CDH22: variants seen among roughly 807,000 people sequenced by gnomAD.
CDH22 encodes the protein cadherin 22.
CDH22 carries 30 observed loss-of-function variants against 58.4 expected under a neutral mutation model. The observed-to-expected ratio is 0.51, with a 90% CI of 0.38 to 0.70. CDH22 has a LOEUF of 0.70. CDH22 is among the 30% of genes least tolerant of loss of function. CDH22 has a pLI of 0.00. For missense variants in CDH22, 1,014 were observed against 1,233.9 expected (o/e 0.82, Z 2.67); for synonymous variants, 513 against 558.2 (o/e 0.92, Z 1.14).
chr20:46,295,074 AG>A (rs1266599580), intron 1 of CDH22, among the ~76,000 whole-genome samples: 1 of 151,732 alleles, frequency 6.6e-6, no homozygotes, highest in Non-Finnish European at 1.5e-5. Context: ...GGAAGAGAAC[AG>A]GCATGCGAGG....
chr20:46,194,230 C>T (rs2085882731), intron 8 of CDH22, among the ~76,000 whole-genome samples: 1 of 152,150 alleles, frequency 6.6e-6, no homozygotes, highest in Non-Finnish European at 1.5e-5. Flanking sequence ...GGTCTCAGAG[C>T]CCAGCCCTGG....
intron 3 of CDH22, among the ~76,000 whole-genome samples, chr20:46,236,650 TATCTATC>T (rs2086255441): frequency 4.5e-5 from 1 of 22,266 alleles, no homozygotes; most frequent in South Asian, 1.8e-3. Context: ...TATATATTAA[TATCTATC>T]TATCTATCTA....
chr20:46,222,126 T>G (rs903981103), intron 4 of CDH22, among the ~76,000 whole-genome samples: 1 of 152,230 alleles, frequency 6.6e-6, no homozygotes, highest in African/African-American at 2.4e-5. Context: ...TTGAGAGGAC[T>G]GAATGAGAGG....
intron 11 of CDH22, 103 bp downstream of exon 11, chr20:46,177,843 T>C: frequency 1.4e-6 from 2 of 1,407,440 alleles, no homozygotes; most frequent in Non-Finnish European, 1.9e-6. Context: ...CATCCTCATG[T>C]GGAGAGGGAA....
chr20:46,243,552 A>G (rs1313355932), intron 2 of CDH22, among the ~76,000 whole-genome samples: 1 of 152,154 alleles, frequency 6.6e-6, no homozygotes, highest in Non-Finnish European at 1.5e-5. Flanking sequence ...CTCATAACTC[A>G]GTTTAATGCC....
intron 1 of CDH22, among the ~76,000 whole-genome samples, chr20:46,273,806 C>A (rs1011882690): frequency 4.6e-5 from 7 of 152,192 alleles, no homozygotes; most frequent in Non-Finnish European, 1.0e-4. Flanking sequence ...AAGGCCTGAA[C>A]TCAAGGCTGG....
Position 46,241,390 on chromosome 20 carries a change from C to A in CDH22, c.256-133G>T. The stretch of plus-strand genomic sequence containing the variant: ...CACATACACATCTTTAGTGAGGACA[C>A]TGAGGCCCAGCAGCCACGCTCACTT... On this transcript the variant is annotated intron_variant, in intron 2 of 11. Transcript: ENST00000537909. This position sits in a 1 kb window ranked among gnomAD's most constrained non-coding sequence, Gnocchi z 5.2. 1.3e-6 allele frequency: 1 copy of A among 781,154 alleles called. No homozygotes were observed. The highest frequency in any genetic ancestry group is 2.0e-6 in the Non-Finnish European group (1 of 501,260). The allele number at this position is 781,154 out of a possible 1,614,324, so 48.4% of individuals were successfully genotyped here. A position where few individuals can be genotyped will look rare whatever the true frequency, so the allele number is the denominator to read the frequency against.
rs767582902 is a variant in CDH22 at position 46,213,073 on chromosome 20, G to A, written c.954C>T (p.Asp318=). The A allele has an allele frequency of 1.1e-5, 18 of 1,614,040 alleles. No individual in the cohort carries two copies. The highest frequency in any genetic ancestry group is 1.6e-4 in the Middle Eastern group (1 of 6,084). The part of the protein sequence containing the change: ...ENTDMTYHLK[D]ESSSGGDVFK... ...ACACATCGCCGCCGCTGCTGCTCTC[G>A]TCCTTAAGGTGGTAAGTCATGTCTG... The change falls in exon 6 of 12, where the codon GAC becomes GAT. Residue 318 remains aspartate (D), a synonymous_variant. Transcript: ENST00000537909.
chr20:46,276,773 A>T (rs1401514565), intron 1 of CDH22, among the ~76,000 whole-genome samples: 4 of 152,200 alleles, frequency 2.6e-5, no homozygotes, highest in African/African-American at 9.7e-5. Context: ...GGGTGTGGGC[A>T]GGGCCAGAGA....
At chr20:46,302,336 C>T (rs973504824) in intron 1 of CDH22, among the ~76,000 whole-genome samples, 31 of 152,088 alleles carry the variant, frequency 2.0e-4, no homozygotes, top group Admixed American at 1.2e-3. Context: ...TGGCCTCTAC[C>T]CATCAGATGA....
At chr20:46,223,817 T>TCTTCCTTCCTTCCTTC (rs11287075) in intron 4 of CDH22, among the ~76,000 whole-genome samples, 92 of 138,182 alleles carry the variant, frequency 6.7e-4, no homozygotes, top group African/African-American at 2.1e-3. Context: ...TTTCTTCCTT[T>TCTTCCTTCCTTCCTTC]CTTCCTTCCT....
chr20:46,183,148 C>A (rs1328212249), intron 10 of CDH22, among the ~76,000 whole-genome samples: 3 of 152,174 alleles, frequency 2.0e-5, no homozygotes, highest in African/African-American at 7.2e-5. Flanking sequence ...TACTACTGGA[C>A]TAATGAATAG....
At chr20:46,193,771 T>TGGGAACACCTGAATCCCCTTTCTGCC (rs2085878346) in intron 8 of CDH22, among the ~76,000 whole-genome samples, 5 of 152,156 alleles carry the variant, frequency 3.3e-5, no homozygotes, top group African/African-American at 9.7e-5. Context: ...GGCTTTCTGC[T>TGGGAACACCTGAATCCCCTTTCTGCC]GGGAACACCT....
chr20:46,181,933 C>T lies in CDH22; in HGVS notation c.1664-3736G>A, dbSNP rs575421630. Among the ~76,000 whole-genome samples, 20 of 151,870 alleles carry T rather than the reference C, an allele frequency of 1.3e-4. No individual in the cohort carries two copies. The South Asian group carries it at 4.2e-3, about 32-fold the overall frequency. On this transcript the variant is annotated intron_variant, in intron 10 of 11. Transcript: ENST00000537909. Reference sequence around the variant, plus strand: ...CTGGGTTCAAGCAATTCTCCTGCCTCAGCCTCCTAAGGAGCTGGGATTACA... The same window carrying T: ...CTGGGTTCAAGCAATTCTCCTGCCTTAGCCTCCTAAGGAGCTGGGATTACA...
chr20:46,252,243 T>C (rs371168077), intron 1 of CDH22, among the ~76,000 whole-genome samples: 1 of 152,292 alleles, frequency 6.6e-6, no homozygotes, highest in South Asian at 2.1e-4. Flanking sequence ...GATGTGCTCG[T>C]ACCCCCACAC....
At chr20:46,221,703 A>C (rs562415917) in intron 4 of CDH22, among the ~76,000 whole-genome samples, 5 of 152,230 alleles carry the variant, frequency 3.3e-5, no homozygotes, top group Non-Finnish European at 7.3e-5. Flanking sequence ...CACATTAGTA[A>C]GCAGCCGTGT....
intron 2 of CDH22, among the ~76,000 whole-genome samples, chr20:46,244,224 G>A (rs1170118370): frequency 6.6e-6 from 1 of 152,212 alleles, no homozygotes; most frequent in African/African-American, 2.4e-5. Flanking sequence ...GGAGAGGAGC[G>A]AGTAGAACCT....
intron 7 of CDH22, among the ~76,000 whole-genome samples, chr20:46,205,373 A>G (rs1340777068): frequency 6.6e-6 from 1 of 152,146 alleles, no homozygotes; most frequent in Non-Finnish European, 1.5e-5. Context: ...TGAGGCACAT[A>G]CTATTATGAT....
intron 2 of CDH22, among the ~76,000 whole-genome samples, chr20:46,247,514 C>T (rs1429241228): frequency 1.3e-5 from 2 of 152,268 alleles, no homozygotes; most frequent in East Asian, 1.9e-4. Flanking sequence ...ATAGTATTTA[C>T]ACTGTATTAG....
Sources: gnomAD v4.1 joint callset for allele counts (sites outside exome capture counted in the v4.1 genomes callset) on GRCh38, gnomAD v4.1.1 for gene constraint, Gnocchi (gnomAD v3.1) non-coding constraint, MANE v1.5 for transcripts, NCBI Gene and HGNC (gene_info 2026-07-23, HGNC 2026-07-21) for gene names.